The following CSMD2 variants were observed in gnomAD, a reference collection of about 807,000 sequenced individuals.
CSMD2 encodes CUB and sushi domain-containing protein 2.
In CSMD2, 130 loss-of-function variants were observed where a neutral mutation model predicts 398.5. That is an observed-to-expected ratio of 0.33 (90% CI 0.28 to 0.38). The LOEUF is 0.38. CSMD2 is among the 10% of genes least tolerant of loss of function. The pLI, the probability that CSMD2 is intolerant of heterozygous loss-of-function variation, is 1.00. For missense variants in CSMD2, 3,829 were observed against 4,764.9 expected (o/e 0.80, Z 5.78); for synonymous variants, 1,828 against 1,908.5 (o/e 0.96, Z 1.10).
intron 10 of CSMD2, among the ~76,000 whole-genome samples, chr1:33,793,987 T>C (rs1164405956): frequency 6.6e-6 from 1 of 152,252 alleles, no homozygotes; most frequent in Non-Finnish European, 1.5e-5. Flanking sequence ...ATGATGATCC[T>C]CATTCCCCCA....
chr1:33,801,179 C>T (rs1451423204), intron 10 of CSMD2, among the ~76,000 whole-genome samples: 1 of 152,168 alleles, frequency 6.6e-6, no homozygotes, highest in Non-Finnish European at 1.5e-5. Context: ...TCCATGCCCC[C>T]TCCCTCTCCC....
intron 3 of CSMD2, among the ~76,000 whole-genome samples, chr1:34,006,110 A>G (rs1647045950): frequency 6.6e-6 from 1 of 152,156 alleles, no homozygotes; most frequent in African/African-American, 2.4e-5. Context: ...TTCTATCAGT[A>G]TATACTTGGC....
rs751733716 is a variant in CSMD2 at position 33,820,477 on chromosome 1, C to T, written c.1191G>A (p.Ser397=). 7.5e-6 allele frequency: 12 copies of T among 1,608,586 alleles called. No homozygotes were observed. Among genetic ancestry groups the T allele is most frequent in the East Asian group, 2.2e-5 (1 of 44,764 alleles). Residue 397 remains serine, a synonymous_variant, in exon 8 of 71, where the codon TCG becomes TCA. Coordinates refer to ENST00000373381, the MANE Select transcript of CSMD2 (RefSeq NM_001281956.2). ...GIPERGKRLG[S]DFRLGSSVQF... ...TCCCAAATAGATCTTACCTGAAATCCGAGCCTAGTCTTTTGCCCCTTTCGG... is the reference window on the plus strand; with the variant it reads ...TCCCAAATAGATCTTACCTGAAATCTGAGCCTAGTCTTTTGCCCCTTTCGG...
At chr1:33,828,645 T>A (rs1289004425) in intron 6 of CSMD2, among the ~76,000 whole-genome samples, 2 of 152,166 alleles carry the variant, frequency 1.3e-5, no homozygotes, top group Non-Finnish European at 2.9e-5. Context: ...TGTGTGGCCA[T>A]GAGGGGAGGC....
At chr1:33,597,570 A>G (rs1295461392) in intron 44 of CSMD2, among the ~76,000 whole-genome samples, 1 of 152,228 alleles carries the variant, frequency 6.6e-6, no homozygotes, top group Non-Finnish European at 1.5e-5. Context: ...TGCACCTACC[A>G]GACTGGTAGA....
At chr1:33,873,076 G>A (rs1279516197) in intron 5 of CSMD2, among the ~76,000 whole-genome samples, 1 of 152,192 alleles carries the variant, frequency 6.6e-6, no homozygotes, top group Admixed American at 6.5e-5. Flanking sequence ...TATCTCCTTA[G>A]CTTTTCAAAT....
chr1:33,586,399 G>C (rs370606009), intron 46 of CSMD2, 105 bp downstream of exon 46: 1 of 695,970 alleles, frequency 1.4e-6, no homozygotes, highest in South Asian at 1.6e-5. Context: ...TCATGTTATG[G>C]GGCAGTGACT....
In CSMD2 at chr1:33,519,204, T is replaced by A. The variant is rs1303878510; in HGVS notation, c.*53+261A>T. Among the ~76,000 whole-genome samples the A allele has an allele frequency of 6.6e-6, 1 of 152,180 alleles. No individual in the cohort carries two copies. Among genetic ancestry groups the A allele is most frequent in the African/African-American group, 2.4e-5 (1 of 41,418 alleles). ...CTGAGCTGTGTGACCTTGCTCAAGT[T>A]AGTTTCTATGCAGCTCAGTTTTCTC... On this transcript the variant is annotated intron_variant, in intron 70 of 70. Transcript: ENST00000373381. This position sits in a 1 kb window ranked among gnomAD's most constrained non-coding sequence, Gnocchi z 5.6.
chr1:34,008,878 A>G (rs919839568), intron 3 of CSMD2, among the ~76,000 whole-genome samples: 3 of 152,146 alleles, frequency 2.0e-5, no homozygotes, highest in Middle Eastern at 3.2e-3. Flanking sequence ...TTGCTGAATG[A>G]ATGAATGAAT....
At chr1:33,806,606 C>G (rs1656258554) in intron 10 of CSMD2, among the ~76,000 whole-genome samples, 3 of 152,076 alleles carry the variant, frequency 2.0e-5, no homozygotes, top group Admixed American at 2.0e-4. Context: ...TTGACACTAA[C>G]AGACACAAAA....
chr1:33,987,623 T>C (rs755169473), intron 3 of CSMD2, among the ~76,000 whole-genome samples: 1 of 152,176 alleles, frequency 6.6e-6, no homozygotes, highest in Non-Finnish European at 1.5e-5. Context: ...TGTGGATAAA[T>C]TGCAAGGCTT....
chr1:33,959,720 C>A (rs1296025705), intron 3 of CSMD2, among the ~76,000 whole-genome samples: 1 of 152,290 alleles, frequency 6.6e-6, no homozygotes, highest in African/African-American at 2.4e-5. Flanking sequence ...GGCTTCACAT[C>A]TTTCAGGTCT....
intron 28 of CSMD2, 66 bp from the exon 29 acceptor site, chr1:33,646,901 A>G (rs1434809607): frequency 6.7e-7 from 1 of 1,497,912 alleles, no homozygotes; most frequent in Non-Finnish European, 9.0e-7. Flanking sequence ...CCGGGGTCTT[A>G]GGCTCAACCA....
At position 34,032,706 on chromosome 1, in the gene CSMD2, C is replaced by A. The variant is rs1481077001; in HGVS notation, c.405G>T (p.Arg135Ser). The change falls in exon 3 of 71, where the codon AGG becomes AGT. Residue 135 changes from arginine to serine, a missense_variant and splice_region_variant. By Grantham distance (110) the Arg-to-Ser change is moderately radical (BLOSUM62 -1). Transcript: ENST00000373381. ...TGGCTGGCAGCTGAAAGCCTGTGAG[C>A]CTGAAAGACAAAGAATTGGATTAGG... is the stretch of plus-strand genomic sequence containing the variant. ...GPPQPENLRT[R>S]LTGFQLPATI... 5.1e-6 allele frequency: 8 copies of A among 1,578,456 alleles called. No homozygotes were observed. The South Asian group carries it at 7.0e-5, about 14-fold the overall frequency.
intron 26 of CSMD2, among the ~76,000 whole-genome samples, chr1:33,658,815 G>A (rs1335833091): frequency 6.6e-6 from 1 of 152,206 alleles, no homozygotes; most frequent in African/African-American, 2.4e-5. Flanking sequence ...AGTGAGCCAT[G>A]ATCATGTCAC....
chr1:33,630,004 C>A (rs1414737623), intron 32 of CSMD2, among the ~76,000 whole-genome samples: 1 of 152,012 alleles, frequency 6.6e-6, no homozygotes, highest in East Asian at 1.9e-4. Flanking sequence ...AGTTTTATAT[C>A]TACAGGTCTT....
At position 33,633,109 on chromosome 1, in the gene CSMD2, T is replaced by C. The variant is rs189321889; in HGVS notation, c.5200+313A>G. 1.1e-3 allele frequency among the ~76,000 whole-genome samples: 161 copies of C among 152,306 alleles called. No homozygotes were observed. Among genetic ancestry groups the C allele is most frequent in the African/African-American group, 3.7e-3 (153 of 41,568 alleles). Reference sequence around the variant, plus strand: ...GCAATTATTTTGTTTTGTCACTAAGTTTTCTATAATGAAAATGCAATACAT... The same window carrying C: ...GCAATTATTTTGTTTTGTCACTAAGCTTTCTATAATGAAAATGCAATACAT... On this transcript the variant is annotated intron_variant, in intron 32 of 70. Coordinates refer to ENST00000373381, the MANE Select transcript of CSMD2 (RefSeq NM_001281956.2). The surrounding 1 kb of genome is among the most constrained non-coding windows in gnomAD (Gnocchi z 5.0).
At chr1:33,884,984 A>G (rs1230344367) in intron 5 of CSMD2, 1 of 152,228 alleles carries the variant, frequency 6.6e-6, no homozygotes, top group African/African-American at 2.4e-5. Flanking sequence ...GAGACATGGA[A>G]AGAAAAACAA....
chr1:33,582,288 C>T (rs143906796), intron 47 of CSMD2, among the ~76,000 whole-genome samples: 193 of 152,242 alleles, frequency 1.3e-3, no homozygotes, highest in African/African-American at 4.4e-3. Context: ...GCCTGGCCTA[C>T]GGGATCTACG....
Sources: gnomAD v4.1 joint callset for allele counts (sites outside exome capture counted in the v4.1 genomes callset) on GRCh38, gnomAD v4.1.1 for gene constraint, Gnocchi (gnomAD v3.1) non-coding constraint, MANE v1.5 for transcripts, NCBI Gene and HGNC (gene_info 2026-07-23, HGNC 2026-07-21) for gene names.